DCC: variants seen among roughly 807,000 people sequenced by gnomAD.
DCC encodes netrin receptor DCC.
DCC carries 58 observed loss-of-function variants against 172.5 expected under a neutral mutation model. The ratio of observed to expected loss-of-function variants is 0.34; its 90% confidence interval spans 0.27 to 0.42. The LOEUF is 0.42. Ranked by LOEUF, DCC falls within the 10% of genes least tolerant of loss-of-function variation. The pLI is 1.00. For missense variants in DCC, 1,740 were observed against 1,791.0 expected (o/e 0.97, Z 0.51); for synonymous variants, 709 against 644.5 (o/e 1.10, Z -1.52).
At chr18:52,404,569 G>A (rs1056554737) in intron 1 of DCC, among the ~76,000 whole-genome samples, 8 of 150,256 alleles carry the variant, frequency 5.3e-5, no homozygotes, top group African/African-American at 2.0e-4. Flanking sequence ...ACGAAGAAAA[G>A]AGTGACTAGC....
chr18:52,672,244 A>T (rs1479763783), intron 1 of DCC, among the ~76,000 whole-genome samples: 1 of 152,210 alleles, frequency 6.6e-6, no homozygotes, highest in African/African-American at 2.4e-5. Flanking sequence ...TAAAATTTTT[A>T]AACGAATATT....
intron 25 of DCC, among the ~76,000 whole-genome samples, chr18:53,483,986 G>C (rs1432652891): frequency 6.6e-6 from 1 of 151,402 alleles, no homozygotes; most frequent in Non-Finnish European, 1.5e-5. Context: ...TAGATAGATA[G>C]ATAGATAGAT....
intron 2 of DCC, among the ~76,000 whole-genome samples, chr18:52,878,746 G>A (rs900045660): frequency 2.0e-5 from 3 of 152,126 alleles, no homozygotes; most frequent in South Asian, 2.1e-4. Flanking sequence ...CTAGTGACTG[G>A]AGTAGTTTCT....
At chr18:52,478,127 T>C (rs1031707867) in intron 1 of DCC, among the ~76,000 whole-genome samples, 1 of 152,140 alleles carries the variant, frequency 6.6e-6, no homozygotes, top group Admixed American at 6.6e-5. Flanking sequence ...TATATGTATA[T>C]CCTGGGTTAC....
chr18:52,567,265 A>G (rs1390916604), intron 1 of DCC, among the ~76,000 whole-genome samples: 1 of 152,174 alleles, frequency 6.6e-6, no homozygotes, highest in Admixed American at 6.5e-5. Context: ...CATTAAGTTG[A>G]TAAATTTATT....
intron 25 of DCC, among the ~76,000 whole-genome samples, chr18:53,479,310 A>G (rs567197508): frequency 1.3e-4 from 20 of 152,336 alleles, no homozygotes; most frequent in African/African-American, 4.8e-4. Context: ...ACTCTGAATT[A>G]CTGAAAGGAA....
intron 5 of DCC, among the ~76,000 whole-genome samples, chr18:53,025,545 C>A (rs1482648449): frequency 2.0e-5 from 3 of 152,058 alleles, no homozygotes; most frequent in African/African-American, 7.2e-5. Flanking sequence ...GTCTAGCTCC[C>A]AACAGTAGTT....
chr18:53,450,702 T>A, intron 23 of DCC, 40 bp downstream of exon 23: 1 of 1,516,982 alleles, frequency 6.6e-7, no homozygotes. Flanking sequence ...GAAGTCATTG[T>A]CTTTTGGGGT....
intron 2 of DCC, among the ~76,000 whole-genome samples, chr18:52,857,091 T>C (rs910610998): frequency 6.7e-5 from 10 of 150,108 alleles, no homozygotes; most frequent in Non-Finnish European, 3.0e-5. Context: ...CCATTACATG[T>C]GGTTTACTTT....
intron 1 of DCC, among the ~76,000 whole-genome samples, chr18:52,436,246 A>AT (rs1987791004): frequency 6.6e-6 from 1 of 152,360 alleles, no homozygotes; most frequent in Non-Finnish European, 1.5e-5. Context: ...ATATGTGACT[A>AT]TTTTTTATAG....
chr18:52,785,490 G>A (rs552541571), intron 2 of DCC, among the ~76,000 whole-genome samples: 2 of 152,078 alleles, frequency 1.3e-5, no homozygotes, highest in South Asian at 4.1e-4. Context: ...GAGAATGTTG[G>A]ATGACAACTT....
intron 1 of DCC, among the ~76,000 whole-genome samples, chr18:52,460,080 A>C (rs1988585013): frequency 6.6e-6 from 1 of 152,048 alleles, no homozygotes; most frequent in Admixed American, 6.6e-5. Context: ...ACAGCCTGAG[A>C]TATTTTCCCA....
At chr18:53,379,479 T>C (rs1907556140) in intron 15 of DCC, among the ~76,000 whole-genome samples, 1 of 152,204 alleles carries the variant, frequency 6.6e-6, no homozygotes, top group Admixed American at 6.5e-5. Context: ...TGAAGAGCTG[T>C]CTACAGGTTT....
intron 2 of DCC, among the ~76,000 whole-genome samples, chr18:52,786,995 T>G (rs886867588): frequency 6.6e-6 from 1 of 152,152 alleles, no homozygotes; most frequent in Non-Finnish European, 1.5e-5. Context: ...TACTCACAGA[T>G]AGTTTCCAAT....
chr18:53,373,209 C>G (rs1195134011), intron 15 of DCC, among the ~76,000 whole-genome samples: 1 of 151,990 alleles, frequency 6.6e-6, no homozygotes, highest in Admixed American at 6.6e-5. Flanking sequence ...TTTCTGGGAC[C>G]CATAAGTCTT....
At chr18:52,744,349 C>T (rs75050730) in intron 1 of DCC, among the ~76,000 whole-genome samples, 10,282 of 152,056 alleles carry the variant, frequency 0.068, 394 homozygotes, top group Middle Eastern at 0.15. Flanking sequence ...CCATAGCTTC[C>T]CTATATTTTA....
chr18:53,317,719 T>C (rs1158910682), intron 13 of DCC, among the ~76,000 whole-genome samples: 2 of 152,152 alleles, frequency 1.3e-5, no homozygotes, highest in African/African-American at 4.8e-5. Context: ...GCAGGGGGCA[T>C]ATGTGTCCAG....
chr18:52,374,205 C>T (rs1985250666), intron 1 of DCC, among the ~76,000 whole-genome samples: 1 of 151,928 alleles, frequency 6.6e-6, no homozygotes, highest in Non-Finnish European at 1.5e-5. Flanking sequence ...ATTTTTTAAT[C>T]TAGATTATCC....
At chr18:53,186,754 A>G (rs1485584345) in intron 9 of DCC, among the ~76,000 whole-genome samples, 1 of 152,202 alleles carries the variant, frequency 6.6e-6, no homozygotes, top group African/African-American at 2.4e-5. Context: ...CTGACACTGT[A>G]ATTTATAAAG....
Sources: allele counts gnomAD v4.1 joint callset (sites outside exome capture counted in the v4.1 genomes callset), GRCh38; gene constraint gnomAD v4.1.1; transcripts MANE v1.5; gene names NCBI Gene and HGNC (gene_info 2026-07-23, HGNC 2026-07-21).